Variants in SLC24A2 observed in about 807,000 individuals in gnomAD.
The protein encoded by SLC24A2 is solute carrier family 24 member 2, also known as sodium/potassium/calcium exchanger 2.
SLC24A2 carries 36 observed loss-of-function variants against 62.0 expected under a neutral mutation model. The observed-to-expected ratio is 0.58, with a 90% CI of 0.44 to 0.77. The LOEUF (loss-of-function observed/expected upper bound fraction) is 0.77. Ranked by LOEUF, SLC24A2 falls within the 30% of genes least tolerant of loss-of-function variation. The probability of loss-of-function intolerance (pLI) is 0.00; values close to 1 mark genes in which losing one functional copy is unlikely to be tolerated. For missense variants in SLC24A2, 846 were observed against 817.9 expected (o/e 1.03, Z -0.42); for synonymous variants, 358 against 294.0 (o/e 1.22, Z -2.23).
At chr9:19,722,436 C>A (rs1271506051) in intron 2 of SLC24A2, among the ~76,000 whole-genome samples, 4 of 151,944 alleles carry the variant, frequency 2.6e-5, no homozygotes, top group African/African-American at 9.7e-5. Flanking sequence ...AATCCTGTCT[C>A]CTTTGGCACT....
At chr9:19,801,613 G>A in the SLC24A2 span, among the ~76,000 whole-genome samples, 1 of 152,230 alleles carries the variant, frequency 6.6e-6, no homozygotes, top group East Asian at 1.9e-4. Context: ...CTCTCCCACT[G>A]TGCTCTCAGG....
At chr9:20,159,235 C>T in the SLC24A2 span, among the ~76,000 whole-genome samples, 4 of 151,592 alleles carry the variant, frequency 2.6e-5, no homozygotes, top group Admixed American at 1.3e-4. Flanking sequence ...TCTACTAGAG[C>T]AATGTTTCTC....
At chr9:19,583,301 T>G (rs1350076222) in intron 5 of SLC24A2, among the ~76,000 whole-genome samples, 2 of 152,236 alleles carry the variant, frequency 1.3e-5, no homozygotes, top group African/African-American at 4.8e-5. Context: ...TCCACAGAGC[T>G]TGTTCAAATG....
the SLC24A2 span, among the ~76,000 whole-genome samples, chr9:20,278,287 A>T: frequency 1.3e-5 from 2 of 152,190 alleles, no homozygotes; most frequent in Non-Finnish European, 2.9e-5. Flanking sequence ...TCTATCACAT[A>T]TCAGGCTGCA....
At chr9:19,778,894 G>A (rs1190535500) in intron 2 of SLC24A2, among the ~76,000 whole-genome samples, 3 of 152,130 alleles carry the variant, frequency 2.0e-5, no homozygotes, top group East Asian at 1.9e-4. Flanking sequence ...TACTTAACAT[G>A]TTTAGAGGAA....
In SLC24A2 at chr9:19,576,928, G is replaced by A. The variant is rs1201787686; in HGVS notation, c.1224C>T (p.His408=). 9 of 1,611,476 alleles carry A rather than the reference G, an allele frequency of 5.6e-6. No individual in the cohort carries two copies. The highest frequency in any genetic ancestry group is 5.9e-6 in the Non-Finnish European group (7 of 1,177,546). ...TGGATGTTTCCCTGCACTCACCCAC[G>A]TGGTTGGCAGCCCCATTCTGCCTCT... ...ENERQNGAAN[H]VEKIELPNST... is the part of the protein sequence containing the mutation. The change falls in exon 6 of 11, where the codon CAC becomes CAT. Residue 408 remains histidine (H), a synonymous_variant. Coordinates refer to ENST00000341998, the MANE Select transcript of SLC24A2 (RefSeq NM_020344.4).
At chr9:20,300,088 T>C in the SLC24A2 span, among the ~76,000 whole-genome samples, 1 of 152,148 alleles carries the variant, frequency 6.6e-6, no homozygotes, top group African/African-American at 2.4e-5. Context: ...AATACACAGA[T>C]GATGGTTGGA....
At chr9:20,172,982 C>T in the SLC24A2 span, among the ~76,000 whole-genome samples, 1 of 152,026 alleles carries the variant, frequency 6.6e-6, no homozygotes, top group African/African-American at 2.4e-5. Context: ...AGATAATCCA[C>T]CACGATCAAG....
At chr9:20,095,593 T>C in the SLC24A2 span, among the ~76,000 whole-genome samples, 1 of 152,144 alleles carries the variant, frequency 6.6e-6, no homozygotes, top group African/African-American at 2.4e-5. Flanking sequence ...AGTGAAACAT[T>C]GGCTCTTCTT....
At chr9:20,007,879 C>CTTTTTTTTTTTTTTTTTTTTTTTT in the SLC24A2 span, among the ~76,000 whole-genome samples, 2 of 39,510 alleles carry the variant, frequency 5.1e-5, 1 homozygote, top group Non-Finnish European at 9.3e-5. Flanking sequence ...TTACTCCTCT[C>CTTTTTTTTTTTTTTTTTTTTTTTT]TTTTTTTTTT....
the SLC24A2 span, among the ~76,000 whole-genome samples, chr9:19,881,492 T>C: frequency 6.6e-6 from 1 of 152,120 alleles, no homozygotes; most frequent in East Asian, 1.9e-4. Context: ...ACATAATATG[T>C]AAAGGATAGT....
the SLC24A2 span, among the ~76,000 whole-genome samples, chr9:20,032,926 G>A: frequency 1.3e-5 from 2 of 152,190 alleles, no homozygotes; most frequent in Non-Finnish European, 2.9e-5. Context: ...AAAATGGCAA[G>A]ACGTAACTCC....
chr9:19,855,522 G>A, the SLC24A2 span, among the ~76,000 whole-genome samples: 2 of 152,158 alleles, frequency 1.3e-5, no homozygotes, highest in Non-Finnish European at 2.9e-5. Flanking sequence ...TGTCTGAAAA[G>A]GATTTTATTT....
the SLC24A2 span, among the ~76,000 whole-genome samples, chr9:20,157,761 T>A: frequency 2.0e-5 from 3 of 151,524 alleles, no homozygotes; most frequent in Non-Finnish European, 4.4e-5. Context: ...AAATTATTAA[T>A]CCTACAGAAA....
chr9:19,533,735 C>G (rs750107394), intron 8 of SLC24A2, among the ~76,000 whole-genome samples: 1 of 152,176 alleles, frequency 6.6e-6, no homozygotes. Context: ...TGCCAATTCA[C>G]AGAATTATGG....
chr9:19,822,566 A>G, the SLC24A2 span, among the ~76,000 whole-genome samples: 2 of 152,138 alleles, frequency 1.3e-5, no homozygotes, highest in Non-Finnish European at 2.9e-5. Flanking sequence ...ACTCTTCACC[A>G]TGAAGTTGCA....
chr9:19,884,102 A>G, the SLC24A2 span, among the ~76,000 whole-genome samples: 1 of 152,208 alleles, frequency 6.6e-6, no homozygotes, highest in African/African-American at 2.4e-5. Context: ...GCCTCATTCT[A>G]AATATATGAC....
intron 4 of SLC24A2, among the ~76,000 whole-genome samples, chr9:19,614,954 T>A (rs2208552): frequency 6.6e-6 from 1 of 151,874 alleles, no homozygotes; most frequent in Admixed American, 6.6e-5. Flanking sequence ...TGCTCAAATT[T>A]CGAATCCACA....
At chr9:19,963,543 C>G in the SLC24A2 span, among the ~76,000 whole-genome samples, 492 of 152,286 alleles carry the variant, frequency 3.2e-3, 5 homozygotes, top group African/African-American at 0.011. Context: ...ACAACCCCAT[C>G]AACAAGTGGG....
Sources: gnomAD v4.1 joint callset for allele counts (sites outside exome capture counted in the v4.1 genomes callset) on GRCh38, gnomAD v4.1.1 for gene constraint, MANE v1.5 for transcripts, NCBI Gene and HGNC (gene_info 2026-07-23, HGNC 2026-07-21) for gene names.